The following EXOC4 variants were observed in gnomAD, a reference collection of about 807,000 sequenced individuals.
EXOC4 encodes SEC8-like 1.
A neutral mutation model predicts 107.2 loss-of-function variants in EXOC4; 71 were observed. The ratio of observed to expected loss-of-function variants is 0.66; its 90% CI spans 0.55 to 0.81. The LOEUF (loss-of-function observed/expected upper bound fraction) is 0.81, where lower values mean the gene tolerates loss of function less well. Among genes scored for constraint, EXOC4 ranks in the 30% least tolerant of loss-of-function variants. EXOC4 has a pLI of 0.00. For synonymous variants in EXOC4, 456 were observed against 441.2 expected, an observed-to-expected ratio of 1.03 and a Z score of -0.42; for missense variants, 1,108 against 1,189.6, an observed-to-expected ratio of 0.93 and a Z score of 1.01.
intron 10 of EXOC4, among the ~76,000 whole-genome samples, chr7:133,722,263 G>A (rs537737179): frequency 6.6e-6 from 1 of 152,308 alleles, no homozygotes; most frequent in East Asian, 1.9e-4. Context: ...TTGATTTTGA[G>A]AGTGTTAAGA....
At chr7:133,981,203 G>A (rs1295055752) in intron 14 of EXOC4, among the ~76,000 whole-genome samples, 2 of 152,126 alleles carry the variant, frequency 1.3e-5, no homozygotes, top group Non-Finnish European at 2.9e-5. Context: ...TGGTGGCAGG[G>A]TCAGCTTCTT....
chr7:133,746,008 A>G (rs1795669466), intron 10 of EXOC4, among the ~76,000 whole-genome samples: 1 of 152,134 alleles, frequency 6.6e-6, no homozygotes, highest in African/African-American at 2.4e-5. Context: ...GCTATTTTTA[A>G]AACATTAGCT....
chr7:133,511,266 G>C (rs1799763270), intron 9 of EXOC4, among the ~76,000 whole-genome samples: 1 of 152,128 alleles, frequency 6.6e-6, no homozygotes, highest in South Asian at 2.1e-4. Context: ...AGTTAGATTG[G>C]GGGGCTTATA....
intron 15 of EXOC4, among the ~76,000 whole-genome samples, chr7:134,001,807 C>G (rs951988682): frequency 3.3e-5 from 5 of 152,188 alleles, no homozygotes; most frequent in Admixed American, 6.5e-5. Flanking sequence ...TCCCCAAGCT[C>G]GTGGAGTGCC....
chr7:133,356,531 G>T lies in EXOC4; in HGVS notation c.965G>T (p.Gly322Val). The change falls in exon 6 of 18, where the codon GGC becomes GTC. Residue 322 changes from glycine (G) to valine (V), a missense_variant. By Grantham distance (109) the Gly-to-Val change is moderately radical. Coordinates refer to ENST00000253861, the MANE Select transcript of EXOC4 (RefSeq NM_021807.4). ...KRSTTQVADS[G>V]YQRGENVTVE... ...TCTACAACCCAGGTGGCAGACAGTG[G>T]CTATCAGCGGGGGGAGAACGTTACT... 1.2e-6 allele frequency: 2 copies of T among 1,614,120 alleles called. No individual in the cohort carries two copies. The highest frequency in any genetic ancestry group is 1.7e-6 in the Non-Finnish European group (2 of 1,179,992).
chr7:133,929,855 A>G (rs544609313), intron 13 of EXOC4, among the ~76,000 whole-genome samples: 1 of 151,862 alleles, frequency 6.6e-6, no homozygotes, highest in East Asian at 1.9e-4. Flanking sequence ...CTCATTCCTC[A>G]TCCCTTCTCT....
chr7:133,818,951 G>A (rs1400163900), intron 11 of EXOC4, among the ~76,000 whole-genome samples: 1 of 152,090 alleles, frequency 6.6e-6, no homozygotes, highest in African/African-American at 2.4e-5. Flanking sequence ...CTGCCGATAG[G>A]CAGCACAAGT....
At chr7:133,296,107 T>C (rs1794514229) in intron 3 of EXOC4, among the ~76,000 whole-genome samples, 2 of 152,200 alleles carry the variant, frequency 1.3e-5, no homozygotes, top group African/African-American at 2.4e-5. Context: ...TATTCTAAGC[T>C]AATAATTTAT....
At chr7:133,527,333 C>T (rs187471380) in intron 9 of EXOC4, among the ~76,000 whole-genome samples, 46 of 150,536 alleles carry the variant, frequency 3.1e-4, no homozygotes, top group Admixed American at 2.4e-3. Flanking sequence ...GAACCTGGGA[C>T]GTGGAGGTTG....
chr7:133,631,648 A>C (rs1015815327), intron 10 of EXOC4, among the ~76,000 whole-genome samples: 2 of 152,226 alleles, frequency 1.3e-5, no homozygotes, highest in African/African-American at 4.8e-5. Flanking sequence ...AATTAAGACT[A>C]TTAAGAGGTT....
At chr7:133,510,971 G>A (rs1041950912) in intron 9 of EXOC4, among the ~76,000 whole-genome samples, 2 of 152,130 alleles carry the variant, frequency 1.3e-5, no homozygotes, top group East Asian at 3.9e-4. Context: ...ATAAAAGAAG[G>A]AAAAGCCGAA....
chr7:133,841,336 A>G (rs1798021158), intron 11 of EXOC4, among the ~76,000 whole-genome samples: 1 of 152,174 alleles, frequency 6.6e-6, no homozygotes, highest in African/African-American at 2.4e-5. Flanking sequence ...CATTCAGTAC[A>G]CTGAAGATGT....
chr7:133,273,065 G>T (rs1793910014), intron 1 of EXOC4, among the ~76,000 whole-genome samples: 1 of 152,154 alleles, frequency 6.6e-6, no homozygotes, highest in Admixed American at 6.5e-5. Flanking sequence ...GTTACAAGGG[G>T]AAATAATAGA....
At chr7:133,374,591 C>T (rs574607690) in intron 6 of EXOC4, among the ~76,000 whole-genome samples, 1 of 152,210 alleles carries the variant, frequency 6.6e-6, no homozygotes, top group East Asian at 1.9e-4. Flanking sequence ...TTTACAATTG[C>T]TTTTAAAATT....
chr7:133,628,312 C>T (rs1802505489), intron 9 of EXOC4, among the ~76,000 whole-genome samples: 1 of 152,160 alleles, frequency 6.6e-6, no homozygotes, highest in Admixed American at 6.5e-5. Flanking sequence ...CAGATTTACT[C>T]ACCCATTTAG....
chr7:133,605,845 G>A (rs73726927), intron 9 of EXOC4, among the ~76,000 whole-genome samples: 3,553 of 152,138 alleles, frequency 0.023, 138 homozygotes, highest in African/African-American at 0.081. Context: ...TAGAGCAGAG[G>A]GAGGTTCGGG....
chr7:133,910,017 A>G (rs1799655712), intron 12 of EXOC4, among the ~76,000 whole-genome samples: 1 of 137,630 alleles, frequency 7.3e-6, no homozygotes, highest in Non-Finnish European at 1.5e-5. Flanking sequence ...TCTGCCTCCC[A>G]GGTTCAAGCA....
intron 7 of EXOC4, among the ~76,000 whole-genome samples, chr7:133,402,309 A>G (rs527644484): frequency 1.3e-5 from 2 of 152,308 alleles, no homozygotes; most frequent in South Asian, 4.1e-4. Context: ...ACTGTTTCAA[A>G]CAGGTATGAA....
chr7:134,084,709 TAA>T, the EXOC4 span, among the ~76,000 whole-genome samples: 41 of 83,120 alleles, frequency 4.9e-4, no homozygotes, highest in Admixed American at 9.2e-4. Flanking sequence ...GGTGCAGCCG[TAA>T]AAAAAAAAAA....
Sources: allele counts gnomAD v4.1 joint callset (sites outside exome capture counted in the v4.1 genomes callset), GRCh38; gene constraint gnomAD v4.1.1; transcripts MANE v1.5; gene names NCBI Gene and HGNC (gene_info 2026-07-23, HGNC 2026-07-21).